Variants in VPS13B observed in about 807,000 individuals in gnomAD.
VPS13B encodes the protein intermembrane lipid transfer protein VPS13B.
VPS13B carries 285 observed loss-of-function variants against 426.4 expected under a neutral mutation model. The observed-to-expected ratio is 0.67, with a 90% CI of 0.61 to 0.74. VPS13B has a LOEUF of 0.74. Among genes scored for constraint, VPS13B ranks in the 30% least tolerant of loss-of-function variants. The pLI is 0.00. For missense variants in VPS13B, 4,537 were observed against 4,782.6 expected (o/e 0.95, Z 1.51); for synonymous variants, 1,676 against 1,676.4 (o/e 1.00, Z 0.01).
chr8:99,271,295 T>C (rs1034472001), intron 17 of VPS13B, among the ~76,000 whole-genome samples: 3 of 152,082 alleles, frequency 2.0e-5, no homozygotes, highest in African/African-American at 7.2e-5. Flanking sequence ...TTTTCTGAGA[T>C]ATTAAAATTT....
intron 3 of VPS13B, among the ~76,000 whole-genome samples, chr8:99,089,731 T>G (rs1300991050): frequency 6.6e-6 from 1 of 152,052 alleles, no homozygotes; most frequent in African/African-American, 2.4e-5. Context: ...TTAATCACAC[T>G]TAAAAAGGTG....
At chr8:99,512,270 G>A (rs1821831200) in intron 29 of VPS13B, among the ~76,000 whole-genome samples, 1 of 152,156 alleles carries the variant, frequency 6.6e-6, no homozygotes, top group South Asian at 2.1e-4. Context: ...TGTTCAGATA[G>A]TTTGTAGAAA....
At chr8:99,732,020 AACAT>A (rs1480247424) in intron 39 of VPS13B, among the ~76,000 whole-genome samples, 1 of 152,206 alleles carries the variant, frequency 6.6e-6, no homozygotes, top group African/African-American at 2.4e-5. Flanking sequence ...CAAGAGATTT[AACAT>A]ACAATTTCAG....
intron 33 of VPS13B, among the ~76,000 whole-genome samples, chr8:99,591,422 A>C (rs145292070): frequency 2.6e-5 from 4 of 152,182 alleles, no homozygotes; most frequent in African/African-American, 9.6e-5. Context: ...TTTGCCCGTT[A>C]AATGATGCAG....
chr8:99,161,757 GA>G (rs1811668167), intron 15 of VPS13B, among the ~76,000 whole-genome samples: 1 of 138,162 alleles, frequency 7.2e-6, no homozygotes. Context: ...TTTTGAGACA[GA>G]GTCTCATTCT....
intron 43 of VPS13B, among the ~76,000 whole-genome samples, chr8:99,791,191 G>A (rs914398283): frequency 6.6e-6 from 1 of 152,272 alleles, no homozygotes; most frequent in South Asian, 2.1e-4. Flanking sequence ...AATTGCAGAA[G>A]AGATATGTGC....
chr8:99,614,009 C>T (rs775737746), intron 33 of VPS13B: 4 of 152,304 alleles, frequency 2.6e-5, no homozygotes, highest in African/African-American at 4.8e-5. Context: ...GCCCAGAACT[C>T]CTGGGCTCAA....
intron 19 of VPS13B, among the ~76,000 whole-genome samples, chr8:99,332,440 T>A (rs1810594442): frequency 6.6e-6 from 1 of 151,704 alleles, no homozygotes; most frequent in Admixed American, 6.6e-5. Flanking sequence ...TAATTTTTTT[T>A]TGTTCAATCA....
intron 17 of VPS13B, among the ~76,000 whole-genome samples, chr8:99,263,504 C>T (rs1027741503): frequency 6.6e-6 from 1 of 152,156 alleles, no homozygotes; most frequent in Non-Finnish European, 1.5e-5. Context: ...CTCCTTTTTA[C>T]AGGCTCTAAG....
At chr8:99,384,161 G>GT (rs778763430) in intron 19 of VPS13B, 47 bp from the exon 20 acceptor site, 11 of 1,480,128 alleles carry the variant, frequency 7.4e-6, no homozygotes, top group South Asian at 2.3e-5. Flanking sequence ...ATAGCTTATT[G>GT]TTTTTTATGA....
intron 25 of VPS13B, among the ~76,000 whole-genome samples, chr8:99,494,232 A>G (rs1219617444): frequency 6.6e-6 from 1 of 152,076 alleles, no homozygotes; most frequent in Admixed American, 6.6e-5. Flanking sequence ...TTGTTATACA[A>G]CCTTCACAAC....
chr8:99,539,680 A>G (rs1231010500), intron 30 of VPS13B, among the ~76,000 whole-genome samples: 1 of 152,016 alleles, frequency 6.6e-6, no homozygotes, highest in Non-Finnish European at 1.5e-5. Context: ...CAAGATTGCA[A>G]TGAGCTATGA....
intron 16 of VPS13B, among the ~76,000 whole-genome samples, chr8:99,176,438 T>A (rs1316101569): frequency 6.6e-6 from 1 of 152,094 alleles, no homozygotes; most frequent in African/African-American, 2.4e-5. Context: ...CGCCCAGCCC[T>A]GTAAACCTTG....
At chr8:99,712,434 A>G (rs1167699335) in intron 36 of VPS13B, among the ~76,000 whole-genome samples, 1 of 152,212 alleles carries the variant, frequency 6.6e-6, no homozygotes, top group Non-Finnish European at 1.5e-5. Flanking sequence ...AATATCAAAC[A>G]TAAAGTCCCA....
intron 3 of VPS13B, among the ~76,000 whole-genome samples, chr8:99,049,350 G>A (rs1200384544): frequency 1.3e-5 from 2 of 151,776 alleles, no homozygotes; most frequent in African/African-American, 4.8e-5. Flanking sequence ...TGTAGTGCTG[G>A]CTTGGTAGTG....
intron 54 of VPS13B, among the ~76,000 whole-genome samples, chr8:99,844,363 C>CTTTTTTT (rs71572047): frequency 7.6e-6 from 1 of 131,038 alleles, no homozygotes; most frequent in African/African-American, 2.9e-5. Context: ...CTTTCTCAGG[C>CTTTTTTT]TTTTTTTTTT....
At chr8:99,785,878 G>A (rs944921773) in intron 43 of VPS13B, among the ~76,000 whole-genome samples, 12 of 152,136 alleles carry the variant, frequency 7.9e-5, no homozygotes, top group Non-Finnish European at 1.2e-4. Context: ...TGTGGGACAG[G>A]AAAGAAGCCT....
At chr8:99,745,589 T>C (rs1179862355) in intron 39 of VPS13B, among the ~76,000 whole-genome samples, 1 of 152,104 alleles carries the variant, frequency 6.6e-6, no homozygotes, top group Non-Finnish European at 1.5e-5. Flanking sequence ...ATAGTGTGTA[T>C]ATATACAGAG....
intron 19 of VPS13B, among the ~76,000 whole-genome samples, chr8:99,327,178 T>C (rs562990650): frequency 6.6e-6 from 1 of 152,268 alleles, no homozygotes; most frequent in African/African-American, 2.4e-5. Flanking sequence ...GATGGTGTCT[T>C]AGATAAGAAG....
Sources: allele counts gnomAD v4.1 joint callset (sites outside exome capture counted in the v4.1 genomes callset), GRCh38; gene constraint gnomAD v4.1.1; transcripts MANE v1.5; gene names NCBI Gene and HGNC (gene_info 2026-07-23, HGNC 2026-07-21).